Variants in KSR2 observed in about 807,000 individuals in gnomAD.
KSR2 encodes the protein kinase suppressor of ras 2.
KSR2 carries 25 observed loss-of-function variants against 107.8 expected under a neutral mutation model. That is an observed-to-expected ratio of 0.23 (90% CI 0.17 to 0.32). The LOEUF (loss-of-function observed/expected upper bound fraction) is 0.32, where lower values mean the gene tolerates loss of function less well. Among genes scored for constraint, KSR2 ranks in the 10% least tolerant of loss-of-function variants. The pLI, the probability that KSR2 is intolerant of heterozygous loss-of-function variation, is 1.00. For synonymous variants in KSR2, 480 were observed against 507.0 expected (o/e 0.95, Z 0.71); for missense variants, 887 against 1,268.9 (o/e 0.70, Z 4.57).
intron 5 of KSR2, among the ~76,000 whole-genome samples, chr12:117,654,135 AT>A: frequency 6.6e-6 from 1 of 152,328 alleles, no homozygotes; most frequent in South Asian, 2.1e-4. Context: ...TGGGTCATCA[AT>A]GTGACCTGAA....
At chr12:117,875,199 T>C (rs2137299341) in intron 1 of KSR2, among the ~76,000 whole-genome samples, 1 of 152,166 alleles carries the variant, frequency 6.6e-6, no homozygotes, top group African/African-American at 2.4e-5. Flanking sequence ...CTAAAAATAA[T>C]TGTGTCTGAA....
intron 3 of KSR2, among the ~76,000 whole-genome samples, chr12:117,816,732 G>A (rs185398732): frequency 4.6e-5 from 7 of 152,236 alleles, no homozygotes; most frequent in South Asian, 4.2e-4. Context: ...TAACAGCTGC[G>A]TCCACTGAGT....
At chr12:117,577,368 G>GA (rs1879348196) in intron 7 of KSR2, among the ~76,000 whole-genome samples, 13 of 127,888 alleles carry the variant, frequency 1.0e-4, no homozygotes, top group East Asian at 5.0e-4. Flanking sequence ...AGAGAGAGAG[G>GA]GGGGGAGAGA....
chr12:117,674,096 C>T (rs573408376), intron 4 of KSR2, among the ~76,000 whole-genome samples: 17 of 152,326 alleles, frequency 1.1e-4, no homozygotes, highest in African/African-American at 4.1e-4. Flanking sequence ...GCATGTTTCC[C>T]AAGTACAGCA....
intron 4 of KSR2, among the ~76,000 whole-genome samples, chr12:117,673,721 T>C (rs570486605): frequency 6.6e-6 from 1 of 152,220 alleles, no homozygotes; most frequent in Admixed American, 6.5e-5. Context: ...TTCTAATGAC[T>C]GTGACTGTGT....
chr12:117,700,799 G>A (rs1230827967), intron 4 of KSR2, among the ~76,000 whole-genome samples: 4 of 152,190 alleles, frequency 2.6e-5, no homozygotes, highest in East Asian at 1.9e-4. Flanking sequence ...TCATTCAGAC[G>A]ACCGAAACAT....
In KSR2 at chr12:117,968,883, C is replaced by A. The variant is rs1053782384; in HGVS notation, c.-628G>T. On this transcript the variant is annotated 5_prime_UTR_variant, in exon 1 of 20. It introduces an in-frame stop codon into an upstream open reading frame of the 5' UTR. Transcript: ENST00000339824. ...CGGCTACTGCGGCTGGCTGCTGTCT[C>A]CTCCCCGCGCTGCTGCTGCTGCTGC... 3 of 240,978 alleles carry A rather than the reference C, an allele frequency of 1.2e-5. No homozygotes were observed. Among genetic ancestry groups the A allele is most frequent in the Non-Finnish European group, 1.6e-5 (2 of 122,364 alleles). 14.9% of individuals were successfully genotyped at this position (240,978 alleles called of 1,614,324 possible).
intron 1 of KSR2, among the ~76,000 whole-genome samples, chr12:117,919,644 C>A (rs1462882553): frequency 6.6e-6 from 1 of 152,188 alleles, no homozygotes; most frequent in Non-Finnish European, 1.5e-5. Context: ...TTCCCCATAC[C>A]CTTTAGTGTA....
chr12:117,518,337 T>C (rs1206798492), intron 14 of KSR2, among the ~76,000 whole-genome samples: 3 of 152,082 alleles, frequency 2.0e-5, no homozygotes, highest in Non-Finnish European at 2.9e-5. Flanking sequence ...TTACAAGATG[T>C]TTAGGTAATG....
rs78883972 is a variant in KSR2 at position 117,480,495 on chromosome 12, T to A, written c.2451-3900A>T. Among the ~76,000 whole-genome samples, 63 of 152,226 alleles carry A rather than the reference T, an allele frequency of 4.1e-4. 1 individual carries two copies. In the East Asian group the frequency reaches 0.012, roughly 29 times the overall value. ...ATGACAGCACTGGCATCTAAAACGA[T>A]ACCTTTTCTTGACGACGGCAGAACA... On this transcript the variant is annotated intron_variant, in intron 16 of 19. Transcript: ENST00000339824.
chr12:117,583,549 A>G (rs1263756617), intron 5 of KSR2, among the ~76,000 whole-genome samples: 2 of 152,136 alleles, frequency 1.3e-5, no homozygotes, highest in Admixed American at 6.5e-5. Flanking sequence ...AAACAAAAAA[A>G]TGACTTCAGA....
At chr12:117,476,840 C>T (rs1388255013) in intron 16 of KSR2, among the ~76,000 whole-genome samples, 1 of 152,180 alleles carries the variant, frequency 6.6e-6, no homozygotes, top group Non-Finnish European at 1.5e-5. Flanking sequence ...ACCTTCTTGC[C>T]CATCTTCATT....
chr12:117,869,669 T>C (rs1893588234), intron 1 of KSR2, among the ~76,000 whole-genome samples: 1 of 152,240 alleles, frequency 6.6e-6, no homozygotes. Context: ...CCTGAGGGTC[T>C]TTCCCCGTTA....
intron 2 of KSR2, among the ~76,000 whole-genome samples, chr12:117,858,930 GA>G (rs1893188549): frequency 6.6e-6 from 1 of 152,186 alleles, no homozygotes; most frequent in African/African-American, 2.4e-5. Context: ...AAGATGCAGT[GA>G]TGTCCGCTGG....
intron 12 of KSR2, among the ~76,000 whole-genome samples, chr12:117,530,530 G>A (rs1875541103): frequency 1.3e-5 from 2 of 152,164 alleles, no homozygotes. Context: ...AAACCTCAAT[G>A]AGACTTTTGA....
chr12:117,768,144 C>G (rs557988588), intron 3 of KSR2, among the ~76,000 whole-genome samples: 1 of 152,182 alleles, frequency 6.6e-6, no homozygotes, highest in African/African-American at 2.4e-5. Context: ...TCTGTAGGGG[C>G]CGATATTGCT....
intron 14 of KSR2, among the ~76,000 whole-genome samples, chr12:117,502,635 G>A (rs1873449387): frequency 6.6e-6 from 1 of 152,130 alleles, no homozygotes; most frequent in Admixed American, 6.6e-5. Context: ...TATTGACACT[G>A]TGTATGCTTT....
intron 1 of KSR2, among the ~76,000 whole-genome samples, chr12:117,957,830 C>A (rs1378718159): frequency 9.7e-6 from 1 of 102,856 alleles, no homozygotes; most frequent in Non-Finnish European, 1.9e-5. Context: ...AGGCTGACCA[C>A]CTTTTTTTTT....
intron 17 of KSR2, among the ~76,000 whole-genome samples, chr12:117,475,940 T>G (rs943578710): frequency 2.6e-5 from 4 of 152,102 alleles, no homozygotes; most frequent in African/African-American, 9.7e-5. Flanking sequence ...GCTGTGTGAG[T>G]GGGCCACCAG....
Sources: gnomAD v4.1 joint callset for allele counts (sites outside exome capture counted in the v4.1 genomes callset) on GRCh38, gnomAD v4.1.1 for gene constraint, MANE v1.5 for transcripts, NCBI Gene and HGNC (gene_info 2026-07-23, HGNC 2026-07-21) for gene names.